Variants in SLC38A12 observed in about 807,000 individuals in gnomAD.
SLC38A12 encodes solute carrier family 38 member 12.
chr17:74,785,582 T>C, the SLC38A12 span: 10 of 1,614,040 alleles, frequency 6.2e-6, no homozygotes, highest in Admixed American at 1.7e-5. Flanking sequence ...CTCGTCCTGC[T>C]GGTGTTCCTG....
At chr17:74,832,761 C>T in the SLC38A12 span, among the ~76,000 whole-genome samples, 381 of 152,378 alleles carry the variant, frequency 2.5e-3, 4 homozygotes, top group African/African-American at 7.7e-3. Flanking sequence ...GCGCCTGCCC[C>T]GTCAGGTGTT....
the SLC38A12 span, chr17:74,836,112 C>T: frequency 3.1e-6 from 5 of 1,614,052 alleles, no homozygotes; most frequent in South Asian, 4.4e-5. This position sits in a 1 kb window ranked among gnomAD's most constrained non-coding sequence, Gnocchi z 4.2. Flanking sequence ...CCTCACAAGG[C>T]TGGTGTTCCT....
the SLC38A12 span, among the ~76,000 whole-genome samples, chr17:74,789,394 ATGATG>A: frequency 5.3e-3 from 811 of 152,012 alleles, 9 homozygotes; most frequent in African/African-American, 0.018. Flanking sequence ...GCCTGGCATG[ATGATG>A]TGTGCCTGTA....
the SLC38A12 span, among the ~76,000 whole-genome samples, chr17:74,816,898 T>G: frequency 6.6e-6 from 1 of 152,144 alleles, no homozygotes; most frequent in African/African-American, 2.4e-5. Context: ...TGGCTTTTTA[T>G]CTCTCCTTTT....
At chr17:74,837,625 T>G in the SLC38A12 span, 1 of 985,454 alleles carries the variant, frequency 1.0e-6, no homozygotes, top group East Asian at 1.1e-4. Flanking sequence ...TAAAAGCGGC[T>G]CCCTTAGGGG....
the SLC38A12 span, chr17:74,836,698 G>A: frequency 1.3e-6 from 2 of 1,582,458 alleles, no homozygotes; most frequent in Non-Finnish European, 1.7e-6. The surrounding 1 kb of genome is among the most constrained non-coding windows in gnomAD (Gnocchi z 4.2). Flanking sequence ...TGGCAGGACA[G>A]GCAGGTCTAG....
the SLC38A12 span, among the ~76,000 whole-genome samples, chr17:74,835,481 A>G: frequency 2.6e-5 from 4 of 152,032 alleles, no homozygotes; most frequent in Non-Finnish European, 4.4e-5. Context: ...CCAGCCTCAC[A>G]TTCCTTAAAC....
chr17:74,837,329 G>A, the SLC38A12 span: 61 of 985,418 alleles, frequency 6.2e-5, no homozygotes, highest in Non-Finnish European at 7.1e-5. Context: ...GGCCCTCGCT[G>A]TGGGCGCGAG....
chr17:74,829,518 G>A, the SLC38A12 span, among the ~76,000 whole-genome samples: 4 of 152,120 alleles, frequency 2.6e-5, no homozygotes, highest in African/African-American at 2.4e-5. The surrounding 1 kb of genome is among the most constrained non-coding windows in gnomAD (Gnocchi z 4.1). Context: ...GATGCTTCTC[G>A]GTGCTTCTCT....
chr17:74,837,322 C>T, the SLC38A12 span: 1 of 985,536 alleles, frequency 1.0e-6, no homozygotes, highest in Non-Finnish European at 1.2e-6. Flanking sequence ...CTGCGAGGGC[C>T]CTCGCTGTGG....
chr17:74,802,335 G>A, the SLC38A12 span, among the ~76,000 whole-genome samples: 1 of 152,130 alleles, frequency 6.6e-6, no homozygotes, highest in African/African-American at 2.4e-5. Flanking sequence ...CCGTGCCACC[G>A]CCTCTATGGT....
the SLC38A12 span, among the ~76,000 whole-genome samples, chr17:74,787,592 G>A: frequency 8.0e-3 from 1,191 of 148,510 alleles, 7 homozygotes; most frequent in Admixed American, 0.013. Context: ...ACTGCAGTCC[G>A]CAGTCCGGCC....
the SLC38A12 span, chr17:74,836,732 G>A: frequency 5.9e-6 from 9 of 1,536,044 alleles, no homozygotes; most frequent in Admixed American, 2.0e-5. This position sits in a 1 kb window ranked among gnomAD's most constrained non-coding sequence, Gnocchi z 4.2. Flanking sequence ...AGGGGCCCCA[G>A]CCCCACCCCT....
chr17:74,838,397 T>C, the SLC38A12 span: 2 of 1,000,732 alleles, frequency 2.0e-6, no homozygotes, highest in Non-Finnish European at 2.4e-6. Flanking sequence ...TCAAAACATC[T>C]GGAACTACCC....
chr17:74,836,479 A>G, the SLC38A12 span: 1 of 1,610,376 alleles, frequency 6.2e-7, no homozygotes, highest in South Asian at 1.1e-5. The surrounding 1 kb of genome is among the most constrained non-coding windows in gnomAD (Gnocchi z 4.2). Flanking sequence ...ACAGGGGCCT[A>G]CGCGGGCACC....
At chr17:74,836,007 T>C in the SLC38A12 span, 3 of 1,611,942 alleles carry the variant, frequency 1.9e-6, no homozygotes, top group Non-Finnish European at 2.5e-6. The surrounding 1 kb of genome is among the most constrained non-coding windows in gnomAD (Gnocchi z 4.2). Flanking sequence ...GGCTGACTTC[T>C]CGGGGGTCCG....
the SLC38A12 span, chr17:74,839,167 G>A: frequency 2.7e-6 from 4 of 1,505,282 alleles, no homozygotes; most frequent in South Asian, 4.9e-5. Context: ...GCAGCTGCCA[G>A]CTTATAGATG....
chr17:74,794,946 A>AG, the SLC38A12 span: 1 of 1,234,260 alleles, frequency 8.1e-7, no homozygotes, highest in Non-Finnish European at 1.1e-6. Context: ...AAAAAGAAGA[A>AG]GAAAAAAAAA....
the SLC38A12 span, among the ~76,000 whole-genome samples, chr17:74,792,682 T>C: frequency 1.3e-5 from 2 of 152,234 alleles, no homozygotes; most frequent in African/African-American, 4.8e-5. Context: ...CTGTAGGAAC[T>C]AGAATCTCTT....
Sources: allele counts gnomAD v4.1 joint callset (sites outside exome capture counted in the v4.1 genomes callset), GRCh38; gene constraint gnomAD v4.1.1; non-coding constraint Gnocchi (gnomAD v3.1); transcripts MANE v1.5; gene names NCBI Gene and HGNC (gene_info 2026-07-23, HGNC 2026-07-21).